Variants in ZNF875 observed in about 807,000 individuals in gnomAD.
ZNF875 encodes HKR1, GLI-Kruppel zinc finger family member.
In ZNF875, 14 loss-of-function variants were observed where a neutral mutation model predicts 11.2. That is an observed-to-expected ratio of 1.26 (90% confidence interval 0.83 to 1.96). The LOEUF (loss-of-function observed/expected upper bound fraction) is 1.96, where lower values mean the gene tolerates loss of function less well. ZNF875 is among the 30% of genes most tolerant of loss of function. The probability of loss-of-function intolerance (pLI) is 0.00; values close to 1 mark genes in which losing one functional copy is unlikely to be tolerated. For missense variants in ZNF875, 752 were observed against 760.4 expected (o/e 0.99, Z 0.13); for synonymous variants, 301 against 281.1 (o/e 1.07, Z -0.71).
intron 4 of ZNF875, chr19:37,359,459 A>G: frequency 6.9e-6 from 2 of 291,004 alleles, no homozygotes; most frequent in Non-Finnish European, 1.4e-5. Context: ...GCTGGAATAC[A>G]GTGGTGTTAT....
chr19:37,357,204 G>T lies in ZNF875; in HGVS notation c.257-4905G>T, dbSNP rs147445055. On this transcript the variant is annotated intron_variant, in intron 4 of 4. Transcript: ENST00000392153. ...ATATGTCTATTTTTGTACTTACACC[G>T]TGCTGTTTCAGTTAATATAGCCTTG... 1.3e-4 allele frequency among the ~76,000 whole-genome samples: 20 copies of T among 152,122 alleles called. No individual in the cohort carries two copies. The East Asian group carries it at 3.7e-3, about 28-fold the overall frequency.
At chr19:37,344,541 T>G (rs1600085270) in intron 2 of ZNF875, 1 of 694,028 alleles carries the variant, frequency 1.4e-6, no homozygotes, top group East Asian at 2.6e-5. Context: ...AGTCTTTTGC[T>G]AGAATCCTAC....
chr19:37,324,596 C>T (rs982577053), intron 4 of ZNF875, among the ~76,000 whole-genome samples: 2 of 152,042 alleles, frequency 1.3e-5, no homozygotes, highest in African/African-American at 4.8e-5. Context: ...GCTTGTGAAA[C>T]GCTATAAAAA....
chr19:37,335,279 A>G (rs1038319567), intron 2 of ZNF875, 22 bp downstream of exon 2: 1 of 691,450 alleles, frequency 1.4e-6, no homozygotes, highest in Non-Finnish European at 2.7e-6. Context: ...CTGTAATTCT[A>G]TCTTGGCTGT....
At chr19:37,347,163 T>G in intron 2 of ZNF875, 27 bp from the exon 3 acceptor site, 1 of 1,613,438 alleles carries the variant, frequency 6.2e-7, no homozygotes, top group Non-Finnish European at 8.5e-7. Context: ...GGCTCCTGGG[T>G]GAGCAGAGGT....
At chr19:37,358,371 G>A (rs374902230) in intron 4 of ZNF875, among the ~76,000 whole-genome samples, 26 of 151,468 alleles carry the variant, frequency 1.7e-4, no homozygotes, top group South Asian at 1.0e-3. Flanking sequence ...TCCTGACCTC[G>A]TGATCCGCCC....
At chr19:37,345,589 G>A (rs1284993955) in intron 2 of ZNF875, among the ~76,000 whole-genome samples, 1 of 152,138 alleles carries the variant, frequency 6.6e-6, no homozygotes, top group African/African-American at 2.4e-5. Flanking sequence ...GTGTGTTGCG[G>A]CTGATAGACC....
chr19:37,359,918 A>C (rs2077749666), intron 4 of ZNF875: 1 of 152,208 alleles, frequency 6.6e-6, no homozygotes, highest in East Asian at 1.9e-4. Flanking sequence ...CAGGCACAAA[A>C]GTTTTAAATG....
At chr19:37,338,185 C>A (rs918917115) in intron 2 of ZNF875, among the ~76,000 whole-genome samples, 7 of 152,288 alleles carry the variant, frequency 4.6e-5, no homozygotes, top group Middle Eastern at 3.4e-3. Flanking sequence ...TGCAGTGGCA[C>A]GATCTTGGCT....
chr19:37,358,208 G>A lies in ZNF875; in HGVS notation c.257-3901G>A, dbSNP rs59680035. 3.7e-3 allele frequency among the ~76,000 whole-genome samples: 525 copies of A among 141,550 alleles called. 2 individuals carry two copies. The highest frequency in any genetic ancestry group is 0.013 in the African/African-American group (505 of 37,646). 92.9% of individuals were successfully genotyped at this position (141,550 alleles called of 152,430 possible). A position where few individuals can be genotyped will look rare whatever the true frequency, so the allele number is the denominator to read the frequency against. On this transcript the variant is annotated intron_variant, in intron 4 of 4. Coordinates refer to ENST00000392153, the MANE Select transcript of ZNF875 (RefSeq NM_001353803.2). The stretch of plus-strand genomic sequence containing the variant: ...CACCCTGGCTGGAGTGCAGTGGCGC[G>A]ATCTCGGCTCACTGCAAGCTCCGTC...
At position 37,340,644 on chromosome 19, in the gene ZNF875, C is replaced by CTTTTTTT. The variant is rs386388968; in HGVS notation, c.33+5403_33+5409dup. ...CCACAGGGGAGTCATCTTATGTGTA[C>CTTTTTTT]TTTTTTTTTTTTTTTTTTTTTTGAG... On this transcript the variant is annotated intron_variant, in intron 2 of 4. Transcript: ENST00000392153. Among the ~76,000 whole-genome samples, 87 of 104,714 alleles carry CTTTTTTT rather than the reference C, an allele frequency of 8.3e-4. 1 individual carries two copies. Among genetic ancestry groups the CTTTTTTT allele is most frequent in the Non-Finnish European group, 1.3e-3 (70 of 54,206 alleles). 68.7% of individuals were successfully genotyped at this position (104,714 alleles called of 152,430 possible).
upstream of ZNF875, among the ~76,000 whole-genome samples, chr19:37,334,363 C>T (rs1211659071): frequency 6.6e-6 from 1 of 152,240 alleles, no homozygotes; most frequent in African/African-American, 2.4e-5. Flanking sequence ...TGGCCACCCG[C>T]AGAGCACCGG....
At chr19:37,352,892 T>C in intron 4 of ZNF875, among the ~76,000 whole-genome samples, 1 of 85,598 alleles carries the variant, frequency 1.2e-5, no homozygotes, top group East Asian at 3.8e-4. Flanking sequence ...TTTTTTTTTT[T>C]GAGACATAGT....
intron 2 of ZNF875, chr19:37,344,531 A>T: frequency 1.5e-6 from 1 of 649,502 alleles, no homozygotes; most frequent in Non-Finnish European, 2.8e-6. Context: ...CAAATGACGA[A>T]GTCTTTTGCT....
chr19:37,322,225 A>G (rs1395745818), exon 2 of ZNF875: 1 of 152,140 alleles, frequency 6.6e-6, no homozygotes, highest in East Asian at 1.9e-4. Context: ...TTTTGGATGC[A>G]TTGGAAGGTA....
intron 2 of ZNF875, chr19:37,337,157 C>T (rs2034644254): frequency 7.3e-6 from 1 of 136,162 alleles, no homozygotes; most frequent in African/African-American, 3.2e-5. Flanking sequence ...TGGACGTGAC[C>T]TTCAGAGTAT....
At chr19:37,343,465 C>A (rs1182536981) in intron 2 of ZNF875, among the ~76,000 whole-genome samples, 1 of 151,664 alleles carries the variant, frequency 6.6e-6, no homozygotes, top group Admixed American at 6.6e-5. Context: ...CATGGCTGAG[C>A]TGATCCTCTT....
intron 4 of ZNF875, among the ~76,000 whole-genome samples, chr19:37,325,649 G>A (rs564058342): frequency 6.6e-6 from 1 of 151,758 alleles, no homozygotes; most frequent in African/African-American, 2.4e-5. Context: ...GGGCTCAAGA[G>A]ATCCTCCTAC....
At chr19:37,344,990 G>A (rs2036499459) in intron 2 of ZNF875, 2 of 509,716 alleles carry the variant, frequency 3.9e-6, no homozygotes, top group Non-Finnish European at 3.6e-6. Flanking sequence ...CTTGTACATT[G>A]AACACTCACA....
Sources: gnomAD v4.1 joint callset for allele counts (sites outside exome capture counted in the v4.1 genomes callset) on GRCh38, gnomAD v4.1.1 for gene constraint, MANE v1.5 for transcripts, NCBI Gene and HGNC (gene_info 2026-07-23, HGNC 2026-07-21) for gene names.